The following AGTPBP1 variants were observed in gnomAD, a reference collection of about 807,000 sequenced individuals.
AGTPBP1 encodes the protein cytosolic carboxypeptidase 1.
AGTPBP1 carries 70 observed loss-of-function variants against 143.9 expected under a neutral mutation model. That is an observed-to-expected ratio of 0.49 (90% confidence interval 0.40 to 0.59). The LOEUF (loss-of-function observed/expected upper bound fraction) is 0.59, where lower values mean the gene tolerates loss of function less well. AGTPBP1 is among the 20% of genes least tolerant of loss of function. The pLI is 0.00. For synonymous variants in AGTPBP1, 463 were observed against 500.2 expected (o/e 0.93, Z 0.99); for missense variants, 1,229 against 1,464.5 (o/e 0.84, Z 2.62).
At chr9:85,624,207 T>C (rs1285601665) in intron 14 of AGTPBP1, among the ~76,000 whole-genome samples, 1 of 152,194 alleles carries the variant, frequency 6.6e-6, no homozygotes, top group South Asian at 2.1e-4. Flanking sequence ...TATCTGTATC[T>C]GCTAGAAAGA....
rs559554429 is a variant in AGTPBP1 at position 85,637,743 on chromosome 9, A to C, written c.1303-4369T>G. ...TGGGTGGTAGTCACATAGGTGTATAAATGTGTCAAAACTCACTGAACTTAA... is the reference window on the plus strand; with the variant it reads ...TGGGTGGTAGTCACATAGGTGTATACATGTGTCAAAACTCACTGAACTTAA... On this transcript the variant is annotated intron_variant, in intron 13 of 25. Transcript: ENST00000357081. 2.6e-5 allele frequency among the ~76,000 whole-genome samples: 4 copies of C among 152,354 alleles called. No homozygotes were observed. The East Asian group carries it at 7.7e-4, about 29-fold the overall frequency.
At chr9:85,782,588 C>G in the AGTPBP1 span, among the ~76,000 whole-genome samples, 1 of 152,086 alleles carries the variant, frequency 6.6e-6, no homozygotes, top group Non-Finnish European at 1.5e-5. Context: ...TCCCTTTAGC[C>G]CTCAAACTCA....
intron 14 of AGTPBP1, among the ~76,000 whole-genome samples, chr9:85,626,035 A>C (rs2133617882): frequency 7.2e-6 from 1 of 139,332 alleles, no homozygotes; most frequent in East Asian, 2.8e-4. Context: ...GTTATGGACT[A>C]TAAAAACAAA....
chr9:85,695,802 C>T (rs530972201), intron 2 of AGTPBP1, among the ~76,000 whole-genome samples: 2 of 152,072 alleles, frequency 1.3e-5, no homozygotes, highest in Admixed American at 6.5e-5. Context: ...AATGATTATT[C>T]AGACTGGGAT....
At position 85,586,835 on chromosome 9, in the gene AGTPBP1, G is replaced by C; in HGVS notation, c.3029C>G (p.Pro1010Arg). 1.2e-6 allele frequency: 2 copies of C among 1,613,280 alleles called. No homozygotes were observed. The highest frequency in any genetic ancestry group is 2.2e-5 in the South Asian group (2 of 91,020). Residue 1010 changes from proline to arginine, a missense_variant, in exon 22 of 26, where the codon CCC becomes CGC. Transcript: ENST00000357081. The stretch of plus-strand genomic sequence containing the variant: ...AAAACAAGTATTGCTACTTACCAAG[G>C]GTAAACGCTTCACTGCAGCCAAGTA... The part of the protein sequence containing the change: ...LQYLAAVKRL[P>R]LVYCDYHGHS...
chr9:85,736,349 A>C (rs918828707), intron 1 of AGTPBP1, among the ~76,000 whole-genome samples: 8 of 152,180 alleles, frequency 5.3e-5, no homozygotes, highest in Non-Finnish European at 1.5e-5. Flanking sequence ...AGGCACAGTG[A>C]TCTTTTGATA....
At chr9:85,795,339 TA>T in the AGTPBP1 span, among the ~76,000 whole-genome samples, 393 of 152,334 alleles carry the variant, frequency 2.6e-3, 2 homozygotes, top group African/African-American at 9.1e-3. Context: ...AGATTAATTA[TA>T]ATGCTGACTA....
intron 25 of AGTPBP1, among the ~76,000 whole-genome samples, chr9:85,571,481 C>T (rs186290563): frequency 5.1e-4 from 78 of 152,254 alleles, no homozygotes; most frequent in African/African-American, 1.8e-3. Flanking sequence ...AATTATAAAT[C>T]ATAAGCCCCA....
At chr9:85,567,543 G>C (rs898270892) in intron 25 of AGTPBP1, among the ~76,000 whole-genome samples, 2 of 152,174 alleles carry the variant, frequency 1.3e-5, no homozygotes, top group Admixed American at 1.3e-4. Context: ...AGTGAGTCGA[G>C]ATCGCGCCAC....
chr9:85,749,150 G>A, the AGTPBP1 span, among the ~76,000 whole-genome samples: 16 of 151,456 alleles, frequency 1.1e-4, no homozygotes, highest in East Asian at 1.9e-4. Flanking sequence ...ACATGCCAGC[G>A]TACCTCACAC....
chr9:85,556,737 TA>T (rs1422262775), intron 25 of AGTPBP1, among the ~76,000 whole-genome samples: 17 of 152,258 alleles, frequency 1.1e-4, no homozygotes, highest in African/African-American at 3.9e-4. Context: ...CATTTTATGA[TA>T]AAGAGATCAA....
chr9:85,550,292 C>CAT (rs1825966783), intron 25 of AGTPBP1, among the ~76,000 whole-genome samples: 1 of 152,016 alleles, frequency 6.6e-6, no homozygotes, highest in Non-Finnish European at 1.5e-5. Flanking sequence ...CAGAAGATTA[C>CAT]ATCCCCCAAC....
the AGTPBP1 span, among the ~76,000 whole-genome samples, chr9:85,761,844 A>G: frequency 1.3e-5 from 2 of 152,234 alleles, no homozygotes; most frequent in African/African-American, 4.8e-5. Flanking sequence ...GGCAAACTAC[A>G]AAATGGGAGA....
chr9:85,670,459 G>A lies in AGTPBP1; in HGVS notation c.569-881C>T, dbSNP rs544567140. 6.6e-5 allele frequency among the ~76,000 whole-genome samples: 10 copies of A among 152,286 alleles called. No individual in the cohort carries two copies. In the South Asian group the frequency reaches 2.1e-3, roughly 32 times the overall value. ...GTAATGAGGACTTTAATTAAAGCAAGTGTAGCAGGGAAAAAGATGGAACAA... is the reference window on the plus strand; with the variant it reads ...GTAATGAGGACTTTAATTAAAGCAAATGTAGCAGGGAAAAAGATGGAACAA... On this transcript the variant is annotated intron_variant, in intron 7 of 25. Coordinates refer to ENST00000357081, the MANE Select transcript of AGTPBP1 (RefSeq NM_001330701.2).
At chr9:85,645,243 G>A (rs1352960308) in intron 12 of AGTPBP1, among the ~76,000 whole-genome samples, 1 of 152,132 alleles carries the variant, frequency 6.6e-6, no homozygotes, top group Non-Finnish European at 1.5e-5. Context: ...TGCTATAACT[G>A]CTCTGTTAAG....
At chr9:85,762,026 A>G in the AGTPBP1 span, among the ~76,000 whole-genome samples, 1 of 152,258 alleles carries the variant, frequency 6.6e-6, no homozygotes, top group East Asian at 1.9e-4. Flanking sequence ...AAAAATGCTC[A>G]TCATCACTGG....
At chr9:85,777,092 C>G in the AGTPBP1 span, among the ~76,000 whole-genome samples, 2 of 152,202 alleles carry the variant, frequency 1.3e-5, no homozygotes, top group East Asian at 3.9e-4. Flanking sequence ...CTTCATCCTG[C>G]GAATGACCAG....
the AGTPBP1 span, among the ~76,000 whole-genome samples, chr9:85,755,652 G>A: frequency 4.8e-3 from 738 of 152,188 alleles, 5 homozygotes; most frequent in Admixed American, 8.2e-3. Context: ...GTGGATAGAC[G>A]GGTAAAAACT....
In AGTPBP1 at chr9:85,633,212, C is replaced by T; in HGVS notation, c.1465G>A (p.Glu489Lys). Reference sequence around the variant, plus strand: ...AGATCCATAAAGGTAGACTTCTTTTCACCTTCATCTCCTTTAGAAGATATG... The same window carrying T: ...AGATCCATAAAGGTAGACTTCTTTTTACCTTCATCTCCTTTAGAAGATATG... ...ENISSKGDEGEKKSTFMDLAK... is the reference protein window; with the variant it reads ...ENISSKGDEGKKKSTFMDLAK... The change falls in exon 14 of 26, where the codon GAA (glutamate) becomes AAA (lysine). Residue 489 changes from glutamate to lysine, a missense_variant. Glu to Lys is a moderately conservative substitution (Grantham distance 56). This residue lies in a region of AGTPBP1 where 743 missense variants were observed against 812.2 expected (regional missense o/e 0.91). Coordinates refer to ENST00000357081, the MANE Select transcript of AGTPBP1 (RefSeq NM_001330701.2). 6.2e-7 allele frequency: 1 copy of T among 1,613,474 alleles called. No individual in the cohort carries two copies. The highest frequency in any genetic ancestry group is 2.2e-5 in the East Asian group (1 of 44,864).
Sources: allele counts gnomAD v4.1 joint callset (sites outside exome capture counted in the v4.1 genomes callset), GRCh38; gene constraint gnomAD v4.1.1; regional missense constraint gnomAD v4.1.1; transcripts MANE v1.5; gene names NCBI Gene and HGNC (gene_info 2026-07-23, HGNC 2026-07-21).